P2RX7: variants seen among roughly 807,000 people sequenced by gnomAD.
The protein encoded by P2RX7 is purinergic receptor P2X 7.
Under a neutral mutation model 71.6 loss-of-function variants are expected in P2RX7, and 62 were observed. The observed-to-expected ratio is 0.87, with a 90% CI of 0.71 to 1.07. The LOEUF is 1.07. Among genes scored for constraint, P2RX7 ranks in the 50% least tolerant of loss-of-function variants. The pLI is 0.00. For missense variants in P2RX7, 686 were observed against 748.5 expected, an observed-to-expected ratio of 0.92 and a Z score of 0.97; for synonymous variants, 299 against 283.3, an observed-to-expected ratio of 1.06 and a Z score of -0.56.
At chr12:121,168,523 C>T (rs1479221139) in intron 8 of P2RX7, among the ~76,000 whole-genome samples, 1 of 152,150 alleles carries the variant, frequency 6.6e-6, no homozygotes, top group East Asian at 1.9e-4. Flanking sequence ...CCCGCCTTGG[C>T]TTCCCAAAGT....
At chr12:121,176,703 G>A (rs1193943989) in intron 9 of P2RX7, among the ~76,000 whole-genome samples, 1 of 140,356 alleles carries the variant, frequency 7.1e-6, no homozygotes, top group Non-Finnish European at 1.5e-5. Flanking sequence ...AGTGAGCCGA[G>A]ATTGCGCCAC....
intron 5 of P2RX7, among the ~76,000 whole-genome samples, chr12:121,163,751 C>T (rs533196465): frequency 6.6e-6 from 1 of 152,102 alleles, no homozygotes; most frequent in Non-Finnish European, 1.5e-5. Flanking sequence ...AGCCATTGCT[C>T]CCAGCCTGAA....
At chr12:121,133,390 C>T (rs1246563893) in intron 1 of P2RX7, among the ~76,000 whole-genome samples, 4 of 152,212 alleles carry the variant, frequency 2.6e-5, no homozygotes, top group Admixed American at 6.5e-5. Context: ...AGGGCAACAC[C>T]CTGGATCCCC....
At position 121,154,852 on chromosome 12, in the gene P2RX7, G is replaced by A; in HGVS notation, c.193G>A (p.Val65Met). The A allele has an allele frequency of 6.2e-7, 1 of 1,614,210 alleles. No homozygotes were observed. ...EPVISSVHTK[V>M]KGIAEVKEEI... Reference sequence around the variant, plus strand: ...TGTCATCAGTTCTGTGCACACCAAGGTGAAGGGGATAGCAGAGGTGAAAGA... The same window carrying A: ...TGTCATCAGTTCTGTGCACACCAAGATGAAGGGGATAGCAGAGGTGAAAGA... Residue 65 changes from valine to methionine, a missense_variant, in exon 2 of 13, where the codon GTG becomes ATG. By Grantham distance (21) the Val-to-Met change is conservative (BLOSUM62 1). Transcript: ENST00000328963. This position sits in a 1 kb window ranked among gnomAD's most constrained non-coding sequence, Gnocchi z 4.2.
At chr12:121,179,363 G>A (rs1408955602) in intron 11 of P2RX7, among the ~76,000 whole-genome samples, 1 of 152,026 alleles carries the variant, frequency 6.6e-6, no homozygotes, top group Non-Finnish European at 1.5e-5. Context: ...AGCCAGGCAT[G>A]GTGGCGCATG....
At chr12:121,136,863 G>C (rs1253981569) in intron 1 of P2RX7, among the ~76,000 whole-genome samples, 2 of 147,142 alleles carry the variant, frequency 1.4e-5, no homozygotes, top group Non-Finnish European at 3.0e-5. Context: ...TGTCCAGGCT[G>C]GTCTTGAACT....
intron 8 of P2RX7, among the ~76,000 whole-genome samples, chr12:121,175,108 G>T (rs561086119): frequency 6.6e-6 from 1 of 151,884 alleles, no homozygotes; most frequent in Non-Finnish European, 1.5e-5. Context: ...TCAGGAGTTC[G>T]AGACCAGCCT....
Position 121,184,806 on chromosome 12 carries a change from C to T in P2RX7, c.*4C>T. The T allele has an allele frequency of 6.5e-7, 1 of 1,530,994 alleles. No homozygotes were observed. The allele number at this position is 1,530,994 out of a possible 1,614,324, so 94.8% of individuals were successfully genotyped here. On this transcript the variant is annotated 3_prime_UTR_variant, in exon 13 of 13. Coordinates refer to ENST00000328963, the MANE Select transcript of P2RX7 (RefSeq NM_002562.6). ...TGGCTTCAAGAGTCCTTACTGAAGC[C>T]AGGCACCGTGGCTCACGTCTGTAAT...
chr12:121,166,022 ATGTT>A (rs36144485), intron 6 of P2RX7, 32 bp from the exon 7 acceptor site: 451,483 of 1,546,462 alleles, frequency 0.29, 70,263 homozygotes, highest in South Asian at 0.34. Context: ...TTCAATCGAG[ATGTT>A]TGTTTGTTTG....
At chr12:121,160,586 A>G (rs1474179079) in intron 3 of P2RX7, among the ~76,000 whole-genome samples, 1 of 152,194 alleles carries the variant, frequency 6.6e-6, no homozygotes, top group Non-Finnish European at 1.5e-5. Flanking sequence ...TCCTATAAAT[A>G]GAATTGTATA....
At position 121,162,411 on chromosome 12, in the gene P2RX7, T is replaced by C; in HGVS notation, c.437-13T>C. On this transcript the variant is annotated splice_polypyrimidine_tract_variant and intron_variant, in intron 4 of 12. Coordinates refer to ENST00000328963, the MANE Select transcript of P2RX7 (RefSeq NM_002562.6). The stretch of plus-strand genomic sequence containing the variant: ...TTCACATCTGTGGTTCTACGATGCT[T>C]TGACCCCTATAGGAATTCAGACCGG... 1 of 1,613,772 alleles carries C rather than the reference T, an allele frequency of 6.2e-7. No individual in the cohort carries two copies. Among genetic ancestry groups the C allele is most frequent in the Non-Finnish European group, 8.5e-7 (1 of 1,179,906 alleles).
chr12:121,155,791 G>A (rs372497185), intron 2 of P2RX7, among the ~76,000 whole-genome samples: 2 of 149,342 alleles, frequency 1.3e-5, no homozygotes, highest in Admixed American at 6.6e-5. Context: ...TTTTTACTGC[G>A]TAAAAAAAAA....
chr12:121,150,764 C>A (rs943865997), intron 1 of P2RX7, among the ~76,000 whole-genome samples: 4 of 152,122 alleles, frequency 2.6e-5, no homozygotes, highest in Non-Finnish European at 5.9e-5. Flanking sequence ...CAAAAATTAG[C>A]TGGGCACGAT....
intron 3 of P2RX7, among the ~76,000 whole-genome samples, chr12:121,160,096 TCTTTCTTTTTTTTTC>T (rs1194895708): frequency 6.6e-6 from 1 of 152,080 alleles, no homozygotes; most frequent in East Asian, 1.9e-4. Context: ...CTTCCTTCTT[TCTTTCTTTTTTTTTC>T]CTTTCTTTCT....
Position 121,136,023 on chromosome 12 carries a change from A to AAT in P2RX7, c.125+2946_125+2947dup, listed in dbSNP as rs1555222078. Reference sequence around the variant, plus strand: ...TGTCTCAAAAAAAAAAAAAAAAAAAAATATATATATATATATATAGTATTT... The same window carrying AAT: ...TGTCTCAAAAAAAAAAAAAAAAAAAAATATATATATATATATATATAGTATTT... On this transcript the variant is annotated intron_variant, in intron 1 of 12. Coordinates refer to ENST00000328963, the MANE Select transcript of P2RX7 (RefSeq NM_002562.6). 4.8e-3 allele frequency among the ~76,000 whole-genome samples: 74 copies of AAT among 15,262 alleles called. 5 individuals are homozygous for AAT. The highest frequency in any genetic ancestry group is 7.1e-3 in the African/African-American group (58 of 8,170). The allele number at this position is 15,262 out of a possible 152,430, so 10.0% of individuals were successfully genotyped here. A position where few individuals can be genotyped will look rare whatever the true frequency, so the allele number is the denominator to read the frequency against.
intron 8 of P2RX7, among the ~76,000 whole-genome samples, chr12:121,172,740 T>G (rs902463621): frequency 6.6e-6 from 1 of 152,202 alleles, no homozygotes; most frequent in Non-Finnish European, 1.5e-5. Flanking sequence ...TTCCCTCCAG[T>G]CAGAAAGAGC....
intron 7 of P2RX7, 125 bp from the exon 8 acceptor site, chr12:121,167,363 A>G: frequency 1.8e-6 from 2 of 1,082,830 alleles, no homozygotes; most frequent in Non-Finnish European, 2.7e-6. Flanking sequence ...GGCTGTACAT[A>G]TGGTTCTTCA....
In P2RX7 at chr12:121,184,952, G is replaced by T. The variant is rs1884732545; in HGVS notation, c.*150G>T. ...ATACAAAAATCAGCCAGACATGGTG[G>T]CATGCACCTGCAATCCCAGCTACTC... On this transcript the variant is annotated 3_prime_UTR_variant, in exon 13 of 13. Coordinates refer to ENST00000328963, the MANE Select transcript of P2RX7 (RefSeq NM_002562.6). 1 of 614,298 alleles carries T rather than the reference G, an allele frequency of 1.6e-6. No individual in the cohort carries two copies. The highest frequency in any genetic ancestry group is 2.1e-5 in the South Asian group (1 of 47,810). 38.1% of individuals were successfully genotyped at this position (614,298 alleles called of 1,614,324 possible).
At chr12:121,173,112 G>A (rs1255415481) in intron 8 of P2RX7, among the ~76,000 whole-genome samples, 1 of 152,100 alleles carries the variant, frequency 6.6e-6, no homozygotes, top group Non-Finnish European at 1.5e-5. Context: ...TTTGTGCCTG[G>A]CGCTTAATTT....
Sources: allele counts gnomAD v4.1 joint callset (sites outside exome capture counted in the v4.1 genomes callset), GRCh38; gene constraint gnomAD v4.1.1; non-coding constraint Gnocchi (gnomAD v3.1); transcripts MANE v1.5; gene names NCBI Gene and HGNC (gene_info 2026-07-23, HGNC 2026-07-21).